PCBP3: variants seen among roughly 807,000 people sequenced by gnomAD.
PCBP3 encodes the protein poly(rC) binding protein 3.
PCBP3 carries 25 observed loss-of-function variants against 52.7 expected under a neutral mutation model. The ratio of observed to expected loss-of-function variants is 0.47; its 90% CI spans 0.35 to 0.66. PCBP3 has a LOEUF of 0.66. PCBP3 is among the 30% of genes least tolerant of loss of function. The pLI, the probability that PCBP3 is intolerant of heterozygous loss-of-function variation, is 0.01. For missense variants in PCBP3, 391 were observed against 490.3 expected (o/e 0.80, Z 1.91); for synonymous variants, 162 against 183.0 (o/e 0.89, Z 0.93).
chr21:45,727,977 G>A (rs1207663355), intron 2 of PCBP3, among the ~76,000 whole-genome samples: 3 of 152,218 alleles, frequency 2.0e-5, no homozygotes, highest in Non-Finnish European at 2.9e-5. Context: ...AAATCGGGCA[G>A]TATAAGCCCT....
chr21:45,930,989 G>A lies in PCBP3; in HGVS notation c.856+144G>A, dbSNP rs547267864. ...GCCAGCCTCAGGTGCTGCCAAGGGC[G>A]TGGGTGGTGCCATGCTGCCACTGTG... On this transcript the variant is annotated intron_variant, in intron 15 of 17. Coordinates refer to ENST00000681687, the MANE Select transcript of PCBP3 (RefSeq NM_001384156.1). The A allele has an allele frequency of 7.5e-5, 89 of 1,194,574 alleles. No individual in the cohort carries two copies. The African/African-American group carries it at 8.2e-4, about 11-fold the overall frequency. The allele number at this position is 1,194,574 out of a possible 1,614,324, so 74.0% of individuals were successfully genotyped here. A position where few individuals can be genotyped will look rare whatever the true frequency, so the allele number is the denominator to read the frequency against.
At chr21:45,864,819 G>C (rs1433380377) in intron 5 of PCBP3, among the ~76,000 whole-genome samples, 2 of 152,230 alleles carry the variant, frequency 1.3e-5, no homozygotes, top group Admixed American at 1.3e-4. Context: ...CTGTGACCAA[G>C]TTCATAGAAA....
intron 7 of PCBP3, among the ~76,000 whole-genome samples, chr21:45,899,972 G>A (rs2095982524): frequency 2.7e-5 from 4 of 147,688 alleles, no homozygotes; most frequent in Admixed American, 6.7e-5. Flanking sequence ...GTGGTCTCCA[G>A]GAGTGCCAGT....
intron 2 of PCBP3, among the ~76,000 whole-genome samples, chr21:45,713,537 G>A (rs2084001039): frequency 6.6e-6 from 1 of 152,216 alleles, no homozygotes; most frequent in Non-Finnish European, 1.5e-5. Flanking sequence ...ACCACCTCAT[G>A]AAGGCAGAGT....
chr21:45,781,469 C>T (rs762590419), intron 4 of PCBP3, among the ~76,000 whole-genome samples: 4 of 152,154 alleles, frequency 2.6e-5, no homozygotes, highest in Non-Finnish European at 5.9e-5. Flanking sequence ...GATGAGAAAC[C>T]ACTCGGTGTA....
At chr21:45,690,614 T>C (rs1370152735) in intron 2 of PCBP3, among the ~76,000 whole-genome samples, 18 of 152,062 alleles carry the variant, frequency 1.2e-4, no homozygotes, top group Admixed American at 1.2e-3. Flanking sequence ...CTTTTGCAGC[T>C]CAATAATAAG....
intron 5 of PCBP3, among the ~76,000 whole-genome samples, chr21:45,852,222 T>C (rs1308114667): frequency 1.3e-5 from 2 of 152,240 alleles, no homozygotes; most frequent in African/African-American, 4.8e-5. Flanking sequence ...TATGTACAAC[T>C]ATTATGCGTC....
chr21:45,769,954 T>C (rs1036732614), intron 4 of PCBP3, among the ~76,000 whole-genome samples: 4 of 152,158 alleles, frequency 2.6e-5, no homozygotes, highest in Non-Finnish European at 4.4e-5. Flanking sequence ...GAAGAAGAAC[T>C]TTTCTGGACA....
intron 4 of PCBP3, among the ~76,000 whole-genome samples, chr21:45,792,125 G>A (rs1206974949): frequency 6.6e-6 from 1 of 152,284 alleles, no homozygotes; most frequent in Non-Finnish European, 1.5e-5. Context: ...GCAGTTGGAG[G>A]CGAGGCCCGG....
At chr21:45,854,854 G>A (rs950219588) in intron 5 of PCBP3, among the ~76,000 whole-genome samples, 6 of 152,210 alleles carry the variant, frequency 3.9e-5, no homozygotes, top group East Asian at 1.9e-4. Flanking sequence ...CAAGCACTCC[G>A]AGCCTCTGCC....
intron 9 of PCBP3, among the ~76,000 whole-genome samples, chr21:45,905,255 T>G (rs1204666716): frequency 1.3e-5 from 2 of 152,156 alleles, no homozygotes; most frequent in Admixed American, 6.6e-5. Context: ...CGACCGCATC[T>G]CCGTCTGCAC....
chr21:45,790,610 G>A (rs893425372), intron 4 of PCBP3, among the ~76,000 whole-genome samples: 6 of 152,132 alleles, frequency 3.9e-5, no homozygotes, highest in African/African-American at 1.4e-4. Context: ...TGGCAGGCTG[G>A]GATGCAGTGG....
At chr21:45,766,876 A>T (rs2089382832) in intron 4 of PCBP3, among the ~76,000 whole-genome samples, 1 of 152,176 alleles carries the variant, frequency 6.6e-6, no homozygotes, top group South Asian at 2.1e-4. Context: ...AAAAAGAAAA[A>T]ACCAAATGAG....
Position 45,800,990 on chromosome 21 carries a change from G to A in PCBP3, c.-126+45538G>A, listed in dbSNP as rs997378258. Among the ~76,000 whole-genome samples, 3 of 152,200 alleles carry A rather than the reference G, an allele frequency of 2.0e-5. No homozygotes were observed. Among genetic ancestry groups the A allele is most frequent in the Admixed American group, 1.3e-4 (2 of 15,286 alleles). ...TGTTGCCCGTTCTGCGTGGCCACCC[G>A]TTCTTGCCAGCATGCCCACTCGCTC... On this transcript the variant is annotated intron_variant, in intron 4 of 17. Transcript: ENST00000681687. The surrounding 1 kb of genome is among the most constrained non-coding windows in gnomAD (Gnocchi z 5.3).
rs576182698 is a variant in PCBP3, at chr21:45,831,741, C to T, written c.-125-18220C>T. ...AGTTTGTTTATTTTAGACAGAGTTT[C>T]GCTCTGTCGCCCAGGCTGGAGTGCA... On this transcript the variant is annotated intron_variant, in intron 4 of 17. Coordinates refer to ENST00000681687, the MANE Select transcript of PCBP3 (RefSeq NM_001384156.1). Among the ~76,000 whole-genome samples the T allele has an allele frequency of 3.9e-5, 6 of 152,254 alleles. No individual in the cohort carries two copies. In the South Asian group the frequency reaches 6.2e-4, roughly 16 times the overall value.
At chr21:45,930,320 CCCTT>C (rs1376641347) in intron 14 of PCBP3, among the ~76,000 whole-genome samples, 2 of 152,174 alleles carry the variant, frequency 1.3e-5, no homozygotes, top group Non-Finnish European at 2.9e-5. Context: ...TCCTGGGTGG[CCCTT>C]CCTGCTGAGC....
chr21:45,866,429 C>T (rs893212101), intron 5 of PCBP3, among the ~76,000 whole-genome samples: 1 of 152,166 alleles, frequency 6.6e-6, no homozygotes, highest in African/African-American at 2.4e-5. Context: ...GCTCATGGAA[C>T]GTGAGAGGAG....
chr21:45,859,521 C>T (rs1228536059), intron 5 of PCBP3, among the ~76,000 whole-genome samples: 1 of 152,256 alleles, frequency 6.6e-6, no homozygotes, highest in Non-Finnish European at 1.5e-5. Flanking sequence ...GGACCCTGGA[C>T]AGCTGGCCTT....
intron 2 of PCBP3, among the ~76,000 whole-genome samples, chr21:45,722,781 T>TACC (rs1355460574): frequency 9.9e-5 from 15 of 151,820 alleles, no homozygotes; most frequent in African/African-American, 3.6e-4. Context: ...TGGGGGTGGA[T>TACC]CATGAGGTCA....
Sources: gnomAD v4.1 joint callset for allele counts (sites outside exome capture counted in the v4.1 genomes callset) on GRCh38, gnomAD v4.1.1 for gene constraint, Gnocchi (gnomAD v3.1) non-coding constraint, MANE v1.5 for transcripts, NCBI Gene and HGNC (gene_info 2026-07-23, HGNC 2026-07-21) for gene names.